The following SLC35F1 variants were observed in gnomAD, a reference collection of about 807,000 sequenced individuals.
SLC35F1 encodes the protein chromosome 6 open reading frame 169.
SLC35F1 carries 14 observed loss-of-function variants against 48.7 expected under a neutral mutation model. The observed-to-expected ratio is 0.29, with a 90% CI of 0.19 to 0.45. SLC35F1 has a LOEUF of 0.45. Among genes scored for constraint, SLC35F1 ranks in the 20% least tolerant of loss-of-function variants. The probability of loss-of-function intolerance (pLI) is 1.00; values close to 1 mark genes in which losing one functional copy is unlikely to be tolerated. For synonymous variants in SLC35F1, 190 were observed against 202.2 expected (o/e 0.94, Z 0.51); for missense variants, 404 against 500.0 (o/e 0.81, Z 1.83).
chr6:118,262,873 G>T (rs1233252094), intron 3 of SLC35F1, among the ~76,000 whole-genome samples: 1 of 152,010 alleles, frequency 6.6e-6, no homozygotes, highest in African/African-American at 2.4e-5. Context: ...GATTGCTTGA[G>T]CCCAGGAGAT....
chr6:117,978,903 C>G (rs1582597090), intron 1 of SLC35F1, among the ~76,000 whole-genome samples: 4 of 152,270 alleles, frequency 2.6e-5, no homozygotes. Flanking sequence ...TGTGACAACC[C>G]TGCCCTCATC....
chr6:118,195,753 A>G (rs1309285937), intron 2 of SLC35F1, among the ~76,000 whole-genome samples: 1 of 152,116 alleles, frequency 6.6e-6, no homozygotes, highest in African/African-American at 2.4e-5. Context: ...TGGAACAGAA[A>G]TTTGTTCAAA....
intron 2 of SLC35F1, among the ~76,000 whole-genome samples, chr6:118,226,395 G>A (rs1185866718): frequency 6.6e-6 from 1 of 151,966 alleles, no homozygotes; most frequent in Non-Finnish European, 1.5e-5. Context: ...ATATATCAAA[G>A]AGTTATCTGC....
chr6:117,926,214 G>A (rs1453868056), intron 1 of SLC35F1, among the ~76,000 whole-genome samples: 1 of 152,056 alleles, frequency 6.6e-6, no homozygotes, highest in Non-Finnish European at 1.5e-5. Flanking sequence ...TGTTCTCTTG[G>A]TAATGAGTGA....
At chr6:118,202,209 A>G (rs1187218111) in intron 2 of SLC35F1, among the ~76,000 whole-genome samples, 1 of 152,214 alleles carries the variant, frequency 6.6e-6, no homozygotes, top group Non-Finnish European at 1.5e-5. Context: ...AAGTGGCTGC[A>G]CCGGAGCAGG....
chr6:117,984,992 C>G (rs1485395740), intron 1 of SLC35F1, among the ~76,000 whole-genome samples: 1 of 152,010 alleles, frequency 6.6e-6, no homozygotes, highest in Non-Finnish European at 1.5e-5. Context: ...CTTCTTAATT[C>G]TTCCTTTCCT....
Position 118,117,935 on chromosome 6 carries a change from G to A in SLC35F1, c.174-36510G>A, listed in dbSNP as rs551886282. 7.9e-5 allele frequency among the ~76,000 whole-genome samples: 12 copies of A among 152,238 alleles called. No homozygotes were observed. In the South Asian group the frequency reaches 2.5e-3, roughly 32 times the overall value. ...TTTCATACCTTTTTATTGCTGAGTA[G>A]TGTTTCATGATACGAATATAGCACA... On this transcript the variant is annotated intron_variant, in intron 1 of 7. Coordinates refer to ENST00000360388, the MANE Select transcript of SLC35F1 (RefSeq NM_001029858.4).
intron 1 of SLC35F1, among the ~76,000 whole-genome samples, chr6:117,929,400 A>G (rs973032650): frequency 6.6e-6 from 1 of 151,506 alleles, no homozygotes; most frequent in African/African-American, 2.4e-5. Context: ...TCTATCTACT[A>G]TATTTATATG....
chr6:118,202,835 G>T (rs1774888485), intron 2 of SLC35F1, among the ~76,000 whole-genome samples: 1 of 152,198 alleles, frequency 6.6e-6, no homozygotes, highest in Non-Finnish European at 1.5e-5. Context: ...TGTCATCAGG[G>T]AAGGCCTCTC....
chr6:118,285,986 TA>T (rs1294679310), intron 7 of SLC35F1, among the ~76,000 whole-genome samples: 13 of 152,298 alleles, frequency 8.5e-5, no homozygotes, highest in African/African-American at 2.6e-4. Context: ...GAGGCATGAC[TA>T]ATTGATTATG....
At chr6:117,954,368 G>C (rs1288210187) in intron 1 of SLC35F1, among the ~76,000 whole-genome samples, 1 of 152,036 alleles carries the variant, frequency 6.6e-6, no homozygotes, top group Non-Finnish European at 1.5e-5. Context: ...GGATTCTCCT[G>C]CCTCAGCCTC....
intron 1 of SLC35F1, among the ~76,000 whole-genome samples, chr6:118,069,945 GC>G (rs1772674072): frequency 6.6e-6 from 1 of 150,994 alleles, no homozygotes. Context: ...GACCATCCTG[GC>G]CAACAAGGTG....
chr6:118,251,947 C>A lies in SLC35F1; in HGVS notation c.478-15048C>A, dbSNP rs193221315. ...CATTAGAATATGTGGGAGTAAAATA[C>A]GCATAGATATGGGGAAGAGAGTTCC... On this transcript the variant is annotated intron_variant, in intron 3 of 7. Coordinates refer to ENST00000360388, the MANE Select transcript of SLC35F1 (RefSeq NM_001029858.4). Among the ~76,000 whole-genome samples, 7 of 152,034 alleles carry A rather than the reference C, an allele frequency of 4.6e-5. No individual in the cohort carries two copies. In the South Asian group the frequency reaches 1.5e-3, roughly 32 times the overall value.
chr6:117,917,098 G>A (rs896381462), intron 1 of SLC35F1, among the ~76,000 whole-genome samples: 1 of 152,112 alleles, frequency 6.6e-6, no homozygotes, highest in Non-Finnish European at 1.5e-5. Context: ...GGCTGGTCAG[G>A]CCTCTCTCTC....
At chr6:117,983,858 T>C (rs1160950770) in intron 1 of SLC35F1, among the ~76,000 whole-genome samples, 1 of 152,180 alleles carries the variant, frequency 6.6e-6, no homozygotes, top group Non-Finnish European at 1.5e-5. Flanking sequence ...ATGTTAGGCA[T>C]GTAGGTGAAT....
At chr6:118,276,341 T>A (rs1405375631) in intron 5 of SLC35F1, among the ~76,000 whole-genome samples, 2 of 152,240 alleles carry the variant, frequency 1.3e-5, no homozygotes, top group Non-Finnish European at 2.9e-5. Flanking sequence ...AGTCAAATTT[T>A]ACTGAATCCC....
chr6:118,263,284 G>C (rs1265716011), intron 3 of SLC35F1, among the ~76,000 whole-genome samples: 3 of 152,092 alleles, frequency 2.0e-5, no homozygotes, highest in Non-Finnish European at 4.4e-5. Context: ...TCGAACTCCT[G>C]ACCTCAAGTG....
chr6:118,081,001 A>T (rs1772899023), intron 1 of SLC35F1, among the ~76,000 whole-genome samples: 1 of 152,104 alleles, frequency 6.6e-6, no homozygotes, highest in African/African-American at 2.4e-5. Flanking sequence ...TTCAAGGGAG[A>T]ACCCTTGTCT....
chr6:118,071,148 C>A (rs371783197), intron 1 of SLC35F1, among the ~76,000 whole-genome samples: 1 of 130,600 alleles, frequency 7.7e-6, no homozygotes, highest in Non-Finnish European at 1.6e-5. Context: ...TATATACATT[C>A]TATGTATATA....
Sources: allele counts gnomAD v4.1 joint callset (sites outside exome capture counted in the v4.1 genomes callset), GRCh38; gene constraint gnomAD v4.1.1; transcripts MANE v1.5; gene names NCBI Gene and HGNC (gene_info 2026-07-23, HGNC 2026-07-21).